ARHGEF37: variants seen among roughly 807,000 people sequenced by gnomAD.
ARHGEF37 encodes Rho guanine nucleotide exchange factor (GEF) 37.
In ARHGEF37, 55 loss-of-function variants were observed where a neutral mutation model predicts 71.1. The observed-to-expected ratio is 0.77, with a 90% CI of 0.62 to 0.97. The LOEUF is 0.97. ARHGEF37 is among the 50% of genes least tolerant of loss of function. The pLI is 0.00. For synonymous variants in ARHGEF37, 327 were observed against 350.6 expected (o/e 0.93, Z 0.75); for missense variants, 765 against 836.8 (o/e 0.91, Z 1.06).
chr5:149,559,557 G>T (rs568957513), intron 1 of ARHGEF37, among the ~76,000 whole-genome samples: 1 of 152,234 alleles, frequency 6.6e-6, no homozygotes, highest in East Asian at 1.9e-4. Context: ...ATGCTGTAAT[G>T]AATATTCCTG....
At chr5:149,564,221 T>C (rs1313943257) in intron 1 of ARHGEF37, among the ~76,000 whole-genome samples, 1 of 152,114 alleles carries the variant, frequency 6.6e-6, no homozygotes, top group Admixed American at 6.5e-5. Context: ...CCTCCCAAAG[T>C]GCTTTAATAT....
chr5:149,611,908 A>G (rs1179098900), intron 4 of ARHGEF37, among the ~76,000 whole-genome samples: 2 of 152,228 alleles, frequency 1.3e-5, no homozygotes, highest in Non-Finnish European at 2.9e-5. Context: ...GAAAAAAATC[A>G]GTATAATGGC....
chr5:149,554,299 C>T (rs1762724117), intron 1 of ARHGEF37, among the ~76,000 whole-genome samples: 1 of 152,120 alleles, frequency 6.6e-6, no homozygotes, highest in Non-Finnish European at 1.5e-5. Flanking sequence ...CACAGCATTC[C>T]AGCCTGAGCA....
At chr5:149,615,318 T>C (rs1411070400) in intron 4 of ARHGEF37, among the ~76,000 whole-genome samples, 2 of 151,754 alleles carry the variant, frequency 1.3e-5, no homozygotes, top group African/African-American at 4.8e-5. Context: ...TTTTTTTTTT[T>C]TTGAAGCAGA....
intron 10 of ARHGEF37, among the ~76,000 whole-genome samples, chr5:149,625,358 G>T (rs747843694): frequency 5.9e-5 from 9 of 152,200 alleles, no homozygotes; most frequent in Non-Finnish European, 1.0e-4. Context: ...GCAAGACCTG[G>T]ATCTGAGAAA....
chr5:149,626,141 A>T (rs767622435), intron 10 of ARHGEF37, among the ~76,000 whole-genome samples: 14 of 151,884 alleles, frequency 9.2e-5, no homozygotes, highest in Non-Finnish European at 1.5e-4. Flanking sequence ...TGGGGCAAGG[A>T]TGTGGCAGAG....
chr5:149,598,062 G>T, intron 2 of ARHGEF37, 107 bp downstream of exon 2: 6 of 1,329,198 alleles, frequency 4.5e-6, no homozygotes, highest in Non-Finnish European at 6.1e-6. Flanking sequence ...GAAAGGAAGC[G>T]TGGTAGATGT....
intron 7 of ARHGEF37, 30 bp from the exon 8 acceptor site, chr5:149,620,324 T>A: frequency 6.6e-7 from 1 of 1,525,462 alleles, no homozygotes; most frequent in Admixed American, 1.9e-5. Context: ...ACAGGCATGA[T>A]TGGATGTTTC....
At chr5:149,600,561 A>G (rs1162805807) in intron 2 of ARHGEF37, among the ~76,000 whole-genome samples, 4 of 152,182 alleles carry the variant, frequency 2.6e-5, no homozygotes, top group African/African-American at 9.6e-5. Context: ...CAGCAGACCT[A>G]GGCTAAAACC....
chr5:149,623,976 T>G (rs1425780525), intron 9 of ARHGEF37, 36 bp from the exon 10 acceptor site: 1 of 1,565,648 alleles, frequency 6.4e-7, no homozygotes, highest in Non-Finnish European at 8.7e-7. Flanking sequence ...TGTCCCCTCT[T>G]GCCCAGCTCT....
At chr5:149,621,629 G>C (rs1015042671) in intron 8 of ARHGEF37, 104 bp from the exon 9 acceptor site, 7 of 1,073,362 alleles carry the variant, frequency 6.5e-6, no homozygotes, top group Non-Finnish European at 9.6e-6. Flanking sequence ...TAGTCAGTGG[G>C]AGTTAGACTG....
intron 2 of ARHGEF37, among the ~76,000 whole-genome samples, chr5:149,599,434 C>CTTTATTTATTTATTTATTTATTTATTTAT (rs1554122176): frequency 6.8e-6 from 1 of 147,814 alleles, no homozygotes; most frequent in Admixed American, 6.7e-5. Context: ...CCAAGGCAAA[C>CTTTATTTATTTATTTATTTATTTATTTAT]TTATTTATTT....
chr5:149,634,257 T>C lies in ARHGEF37; in HGVS notation c.*2066T>C, dbSNP rs1030620772. ...CCCTAGACACAAAGTATTGGACAGA[T>C]AGACCTGGTGCCAGAGATGGCCATG... On this transcript the variant is annotated 3_prime_UTR_variant, in exon 13 of 13. Coordinates refer to ENST00000333677, the MANE Select transcript of ARHGEF37 (RefSeq NM_001001669.3). The C allele has an allele frequency of 1.3e-5, 2 of 152,194 alleles. No homozygotes were observed. The highest frequency in any genetic ancestry group is 2.4e-5 in the African/African-American group (1 of 41,442). The allele number at this position is 152,194 out of a possible 1,614,324, so 9.4% of individuals were successfully genotyped here. A position where few individuals can be genotyped will look rare whatever the true frequency, so the allele number is the denominator to read the frequency against.
intron 2 of ARHGEF37, among the ~76,000 whole-genome samples, chr5:149,600,644 A>ATT (rs11411776): frequency 0.05 from 7,222 of 145,248 alleles, 213 homozygotes; most frequent in Non-Finnish European, 0.06. Context: ...AAAATACCTA[A>ATT]TTTTTTTTTT....
chr5:149,627,045 C>T, intron 10 of ARHGEF37, 31 bp from the exon 11 acceptor site: 4 of 1,586,834 alleles, frequency 2.5e-6, no homozygotes, highest in Non-Finnish European at 3.4e-6. Context: ...TATTCAAGCA[C>T]TTGTGTCTGT....
chr5:149,603,179 C>T (rs754966912), intron 3 of ARHGEF37, among the ~76,000 whole-genome samples: 3 of 152,062 alleles, frequency 2.0e-5, no homozygotes, highest in Non-Finnish European at 2.9e-5. Flanking sequence ...GTGATCCGCC[C>T]ACCTCAGCCT....
chr5:149,621,816 G>A lies in ARHGEF37; in HGVS notation c.1089G>A (p.Lys363=). 6.2e-7 allele frequency: 1 copy of A among 1,614,250 alleles called. No homozygotes were observed. The change falls in exon 9 of 13, where the codon AAG becomes AAA. Residue 363 remains lysine (K), a synonymous_variant. Transcript: ENST00000333677. ...ALLGPQNLIK[K]RLDKLLDFER... ...TTGGCCCTCAGAACCTGATCAAGAA[G>A]CGTCTGGACAAGCTACTGGACTTTG...
intron 1 of ARHGEF37, among the ~76,000 whole-genome samples, chr5:149,590,062 G>T (rs1763357550): frequency 6.6e-6 from 1 of 152,128 alleles, no homozygotes; most frequent in Non-Finnish European, 1.5e-5. Context: ...CCTAATTGTA[G>T]ACCCACTTTT....
At chr5:149,559,804 A>G (rs867571805) in intron 1 of ARHGEF37, among the ~76,000 whole-genome samples, 4 of 152,166 alleles carry the variant, frequency 2.6e-5, no homozygotes, top group Non-Finnish European at 4.4e-5. Flanking sequence ...AACTCAATAC[A>G]TTTAATTGTG....
Sources: allele counts gnomAD v4.1 joint callset (sites outside exome capture counted in the v4.1 genomes callset), GRCh38; gene constraint gnomAD v4.1.1; transcripts MANE v1.5; gene names NCBI Gene and HGNC (gene_info 2026-07-23, HGNC 2026-07-21).